ANKRD65: variants seen among roughly 807,000 people sequenced by gnomAD.
ANKRD65 encodes the protein ankyrin repeat domain-containing protein 65.
In ANKRD65, 26 loss-of-function variants were observed where a neutral mutation model predicts 17.2. That is an observed-to-expected ratio of 1.51 (90% CI 1.11 to 2.09). The LOEUF (loss-of-function observed/expected upper bound fraction) is 2.09, where lower values mean the gene tolerates loss of function less well. Ranked by LOEUF, ANKRD65 falls within the 30% of genes most tolerant of loss-of-function variation. ANKRD65 has a pLI of 0.00. For missense variants in ANKRD65, 621 were observed against 542.2 expected, an observed-to-expected ratio of 1.15 and a Z score of -1.44; for synonymous variants, 311 against 272.2, an observed-to-expected ratio of 1.14 and a Z score of -1.40.
chr1:1,418,451 G>A lies in ANKRD65; in HGVS notation c.*649C>T, dbSNP rs1645482694. ...AAGGAAGGGCTTTATTCAGCTGGGA[G>A]CATCGGCAAGCTACTGCCTTAAAAT... On this transcript the variant is annotated 3_prime_UTR_variant, in exon 4 of 4. Transcript: ENST00000537107. 6.6e-6 allele frequency: 1 copy of A among 152,256 alleles called. No homozygotes were observed. The highest frequency in any genetic ancestry group is 6.5e-5 in the Admixed American group (1 of 15,292). The allele number at this position is 152,256 out of a possible 1,614,324, so 9.4% of individuals were successfully genotyped here.
rs1309466735 is a variant in ANKRD65 at position 1,421,254 on chromosome 1, T to C, written c.-122A>G. ...CCCTTCTGCAGGCTTTGGGGTGGAGTGTCTGCTGCTGAAAAGCTGAATGGT... is the reference window on the plus strand; with the variant it reads ...CCCTTCTGCAGGCTTTGGGGTGGAGCGTCTGCTGCTGAAAAGCTGAATGGT... On this transcript the variant is annotated 5_prime_UTR_variant, in exon 1 of 4. Transcript: ENST00000537107. The C allele has an allele frequency of 1.9e-6, 1 of 535,044 alleles. No homozygotes were observed. The allele number at this position is 535,044 out of a possible 1,614,324, so 33.1% of individuals were successfully genotyped here.
At position 1,420,415 on chromosome 1, in the gene ANKRD65, G is replaced by A. The variant is rs989005356; in HGVS notation, c.387C>T (p.Arg129=). The A allele has an allele frequency of 3.9e-4, 517 of 1,326,770 alleles. 1 individual carries two copies. The highest frequency in any genetic ancestry group is 4.8e-4 in the Non-Finnish European group (495 of 1,035,750). The allele number at this position is 1,326,770 out of a possible 1,614,324, so 82.2% of individuals were successfully genotyped here. Residue 129 remains arginine, a synonymous_variant, in exon 3 of 4, where the codon CGC becomes CGT. Transcript: ENST00000537107. ...HSRVAELLLQ[R]GASAAARSGT... Reference sequence around the variant, plus strand: ...CGGAGCGAGCCGCCGCCGAGGCCCCGCGCTGCAGCAGCAGCTCGGCCACCC... The same window carrying A: ...CGGAGCGAGCCGCCGCCGAGGCCCCACGCTGCAGCAGCAGCTCGGCCACCC...
Position 1,419,012 on chromosome 1 carries a change from C to A in ANKRD65, c.*88G>T. 1 of 1,378,362 alleles carries A rather than the reference C, an allele frequency of 7.3e-7. No individual in the cohort carries two copies. The highest frequency in any genetic ancestry group is 9.7e-7 in the Non-Finnish European group (1 of 1,034,504). The allele number at this position is 1,378,362 out of a possible 1,614,324, so 85.4% of individuals were successfully genotyped here. ...CTCCCATCCCCTCCTCCGGAAGCCT[C>A]TTCCCTGATGTCCCCTCCAGGCAGG... On this transcript the variant is annotated 3_prime_UTR_variant, in exon 4 of 4. Coordinates refer to ENST00000537107, the MANE Select transcript of ANKRD65 (RefSeq NM_001145210.3).
rs1196554920 is a variant in ANKRD65 at position 1,420,103 on chromosome 1, A to T, written c.699T>A (p.Asp233Glu). The T allele has an allele frequency of 3.1e-6, 4 of 1,276,952 alleles. No individual in the cohort carries two copies. The highest frequency in any genetic ancestry group is 3.1e-5 in the African/African-American group (2 of 63,886). The allele number at this position is 1,276,952 out of a possible 1,614,324, so 79.1% of individuals were successfully genotyped here. A position where few individuals can be genotyped will look rare whatever the true frequency, so the allele number is the denominator to read the frequency against. ...GACCCAGCGCTGTGGCCCCCGCGCC[A>T]TCCCGGGCGTCCACCCGCGCCCCGC... ...LARGARVDARDGAGATALGLA... is the reference protein window; with the variant it reads ...LARGARVDAREGAGATALGLA... The change falls in exon 3 of 4, where the codon GAT becomes GAA. Residue 233 changes from aspartate (D) to glutamate (E), a missense_variant. Transcript: ENST00000537107.
chr1:1,419,355 C>A lies in ANKRD65; in HGVS notation c.945G>T (p.Val315=). ...PLHHASREGH[V]EVAGCLLDRG... is the part of the protein sequence containing the mutation. Reference sequence around the variant, plus strand: ...TGTCCAGCAGGCAGCCGGCAACCTCCACGTGGCCTTCCCGAGAGGCGTGAT... The same window carrying A: ...TGTCCAGCAGGCAGCCGGCAACCTCAACGTGGCCTTCCCGAGAGGCGTGAT... Residue 315 remains valine, a synonymous_variant, in exon 4 of 4, where the codon GTG becomes GTT. Transcript: ENST00000537107. The A allele has an allele frequency of 6.5e-7, 1 of 1,550,368 alleles. No individual in the cohort carries two copies. The highest frequency in any genetic ancestry group is 1.2e-5 in the South Asian group (1 of 84,052).
Position 1,420,873 on chromosome 1 carries a change from G to T in ANKRD65, c.133C>A (p.Leu45Met). Residue 45 changes from leucine to methionine, a missense_variant, in exon 2 of 4, where the codon CTG (leucine) becomes ATG (methionine). Leu to Met is a conservative substitution (Grantham distance 15, BLOSUM62 2). Transcript: ENST00000537107. ...GGGCCCCTCCACACGGCCTGGAGCA[G>T]GTGCCCCCAGCCCTGGACAACACTA... Reference protein sequence around the residue: ...GPSVVQGWGHLLQAVWRGPAG... With the variant: ...GPSVVQGWGHMLQAVWRGPAG... 6.5e-7 allele frequency: 1 copy of T among 1,550,234 alleles called. No individual in the cohort carries two copies. The highest frequency in any genetic ancestry group is 8.7e-7 in the Non-Finnish European group (1 of 1,146,954).
chr1:1,420,695 C>A, intron 2 of ANKRD65, 102 bp downstream of exon 2: 1 of 1,433,790 alleles, frequency 7.0e-7, no homozygotes. Flanking sequence ...GACCCCCGTC[C>A]TACCCCATCC....
Position 1,419,296 on chromosome 1 carries a change from C to G in ANKRD65, c.1004G>C (p.Arg335Pro). The G allele has an allele frequency of 6.5e-7, 1 of 1,550,348 alleles. No homozygotes were observed. Among genetic ancestry groups the G allele is most frequent in the Non-Finnish European group, 8.7e-7 (1 of 1,146,862 alleles). ...GAQVDATGWL[R>P]KTPLHLAAER... ...TGCAGCCAGGTGTAGGGGGGTCTTT[C>G]GGAGCCAGCCGGTAGCATCCACCTG... Residue 335 changes from arginine to proline, a missense_variant, in exon 4 of 4, where the codon CGA becomes CCA. Coordinates refer to ENST00000537107, the MANE Select transcript of ANKRD65 (RefSeq NM_001145210.3).
chr1:1,421,053 GC>G, intron 1 of ANKRD65, 48 bp from the exon 2 acceptor site: 1 of 1,522,038 alleles, frequency 6.6e-7, no homozygotes, highest in Non-Finnish European at 8.9e-7. Context: ...CCTCTGGCCT[GC>G]CCCCAGCCGT....
chr1:1,419,320 T>C lies in ANKRD65; in HGVS notation c.980A>G (p.Gln327Arg). ...VAGCLLDRGAQVDATGWLRKT... is the reference protein window; with the variant it reads ...VAGCLLDRGARVDATGWLRKT... ...TCGGAGCCAGCCGGTAGCATCCACCTGGGCACCCCTGTCCAGCAGGCAGCC... is the reference window on the plus strand; with the variant it reads ...TCGGAGCCAGCCGGTAGCATCCACCCGGGCACCCCTGTCCAGCAGGCAGCC... The change falls in exon 4 of 4, where the codon CAG (glutamine) becomes CGG (arginine). Residue 327 changes from glutamine to arginine, a missense_variant. Transcript: ENST00000537107. The C allele has an allele frequency of 3.2e-6, 5 of 1,550,312 alleles. No individual in the cohort carries two copies. Among genetic ancestry groups the C allele is most frequent in the South Asian group, 1.2e-5 (1 of 84,054 alleles).
chr1:1,421,179 T>G lies in ANKRD65; in HGVS notation c.-47A>C. On this transcript the variant is annotated 5_prime_UTR_variant, in exon 1 of 4. Coordinates refer to ENST00000537107, the MANE Select transcript of ANKRD65 (RefSeq NM_001145210.3). ...CTTTCTGCTCTGGCTGAGGGTCCTC[T>G]GTAGACGGGTTCTGGCCGAGGCTCA... 1 of 636,390 alleles carries G rather than the reference T, an allele frequency of 1.6e-6. No individual in the cohort carries two copies. The highest frequency in any genetic ancestry group is 2.7e-6 in the Non-Finnish European group (1 of 367,758). The allele number at this position is 636,390 out of a possible 1,614,324, so 39.4% of individuals were successfully genotyped here.
chr1:1,421,263 C>T lies in ANKRD65; in HGVS notation c.-131G>A. On this transcript the variant is annotated 5_prime_UTR_variant, in exon 1 of 4. Coordinates refer to ENST00000537107, the MANE Select transcript of ANKRD65 (RefSeq NM_001145210.3). ...AGGCTTTGGGGTGGAGTGTCTGCTG[C>T]TGAAAAGCTGAATGGTGGCAGCTTC... is the stretch of plus-strand genomic sequence containing the variant. The T allele has an allele frequency of 1.9e-6, 1 of 524,940 alleles. No homozygotes were observed. The highest frequency in any genetic ancestry group is 3.4e-6 in the Non-Finnish European group (1 of 292,570). The allele number at this position is 524,940 out of a possible 1,614,324, so 32.5% of individuals were successfully genotyped here.
Position 1,419,099 on chromosome 1 carries a change from C to G in ANKRD65, c.*1G>C. On this transcript the variant is annotated 3_prime_UTR_variant, in exon 4 of 4. Coordinates refer to ENST00000537107, the MANE Select transcript of ANKRD65 (RefSeq NM_001145210.3). ...GTGGAGCCTGGAGCCTGCTGTCTGG[C>G]TCAGCCCGTGGACTCTATGCCCTCA... The G allele has an allele frequency of 5.4e-6, 8 of 1,488,954 alleles. No individual in the cohort carries two copies. Among genetic ancestry groups the G allele is most frequent in the Non-Finnish European group, 7.2e-6 (8 of 1,111,090 alleles). The allele number at this position is 1,488,954 out of a possible 1,614,324, so 92.2% of individuals were successfully genotyped here.
At chr1:1,419,675 C>T (rs1645509725) in intron 3 of ANKRD65, 126 bp from the exon 4 acceptor site, 1 of 934,858 alleles carries the variant, frequency 1.1e-6, no homozygotes, top group Non-Finnish European at 1.6e-6. Flanking sequence ...ACACCACTTC[C>T]TCATGTTGTG....
At chr1:1,419,577 G>T in intron 3 of ANKRD65, 28 bp from the exon 4 acceptor site, 3 of 1,495,632 alleles carry the variant, frequency 2.0e-6, no homozygotes, top group Non-Finnish European at 1.8e-6. Flanking sequence ...AGCAGGGGCC[G>T]GCCTCAGCCC....
chr1:1,418,969 A>G lies in ANKRD65; in HGVS notation c.*131T>C. 2.7e-6 allele frequency: 3 copies of G among 1,115,664 alleles called. No individual in the cohort carries two copies. The allele number at this position is 1,115,664 out of a possible 1,614,324, so 69.1% of individuals were successfully genotyped here. A position where few individuals can be genotyped will look rare whatever the true frequency, so the allele number is the denominator to read the frequency against. ...AGCCAAGGCCTGTGACTGCAGCTCA[A>G]GCCACATCCCCTACTTTCTCCCATC... On this transcript the variant is annotated 3_prime_UTR_variant, in exon 4 of 4. Coordinates refer to ENST00000537107, the MANE Select transcript of ANKRD65 (RefSeq NM_001145210.3).
intron 2 of ANKRD65, 102 bp downstream of exon 2, chr1:1,420,695 C>G: frequency 7.0e-7 from 1 of 1,433,790 alleles, no homozygotes; most frequent in Non-Finnish European, 9.2e-7. Context: ...GACCCCCGTC[C>G]TACCCCATCC....
Position 1,421,187 on chromosome 1 carries a change from G to A in ANKRD65, c.-55C>T, listed in dbSNP as rs911086749. 3.2e-6 allele frequency: 2 copies of A among 618,692 alleles called. No individual in the cohort carries two copies. The highest frequency in any genetic ancestry group is 5.6e-6 in the Non-Finnish European group (2 of 354,526). The allele number at this position is 618,692 out of a possible 1,614,324, so 38.3% of individuals were successfully genotyped here. On this transcript the variant is annotated 5_prime_UTR_variant, in exon 1 of 4. Coordinates refer to ENST00000537107, the MANE Select transcript of ANKRD65 (RefSeq NM_001145210.3). The stretch of plus-strand genomic sequence containing the variant: ...TCTGGCTGAGGGTCCTCTGTAGACG[G>A]GTTCTGGCCGAGGCTCAGCCTGGTG...
In ANKRD65 at chr1:1,420,244, C is replaced by T. The variant is rs866113904; in HGVS notation, c.558G>A (p.Ala186=). The change falls in exon 3 of 4, where the codon GCG becomes GCA. Residue 186 remains alanine, a synonymous_variant. Transcript: ENST00000537107. ...RGWTAAHWAA[A]GGRLAVLELL... ...GCTCCAGCACCGCCAGCCGCCCGCC[C>T]GCGGCCGCCCAGTGCGCCGCCGTCC... The T allele has an allele frequency of 1.4e-3, 1,396 of 991,250 alleles. 12 individuals carry two copies. The African/African-American group carries it at 0.021, about 15-fold the overall frequency. The allele number at this position is 991,250 out of a possible 1,614,324, so 61.4% of individuals were successfully genotyped here. A position where few individuals can be genotyped will look rare whatever the true frequency, so the allele number is the denominator to read the frequency against.
Sources: gnomAD v4.1 joint callset for allele counts on GRCh38, gnomAD v4.1.1 for gene constraint, MANE v1.5 for transcripts, NCBI Gene and HGNC (gene_info 2026-07-23, HGNC 2026-07-21) for gene names.